Variants in USB1 observed in about 807,000 individuals in gnomAD.
The protein encoded by USB1 is U6 snRNA biogenesis phosphodiesterase 1, also known as U6 snRNA phosphodiesterase 1.
USB1 carries 21 observed loss-of-function variants against 29.9 expected under a neutral mutation model. That is an observed-to-expected ratio of 0.70 (90% confidence interval 0.50 to 1.01). The LOEUF (loss-of-function observed/expected upper bound fraction) is 1.01. USB1 is among the 50% of genes least tolerant of loss of function. The pLI, the probability that USB1 is intolerant of heterozygous loss-of-function variation, is 0.00. For missense variants in USB1, 330 were observed against 347.1 expected (o/e 0.95, Z 0.39); for synonymous variants, 143 against 134.9 (o/e 1.06, Z -0.42).
rs1963507190 is a variant in USB1 at position 58,011,975 on chromosome 16, T to G, written c.449+1863T>G. ...CACCCGGCTGATGGTTTTCTGACCC[T>G]GCCTTTATCAGCAGAGCCTTTTTTC... On this transcript the variant is annotated intron_variant, in intron 3 of 6. Transcript: ENST00000219281. 2.8e-6 allele frequency: 3 copies of G among 1,090,806 alleles called. 1 individual carries two copies. In the South Asian group the frequency reaches 1.2e-4, roughly 42 times the overall value. The allele number at this position is 1,090,806 out of a possible 1,614,324, so 67.6% of individuals were successfully genotyped here.
At chr16:58,012,478 A>AG (rs1963517897) in intron 3 of USB1, 2 of 1,170,466 alleles carry the variant, frequency 1.7e-6, no homozygotes, top group East Asian at 5.1e-5. Flanking sequence ...TCACCACCAC[A>AG]GGCAGACTGT....
At chr16:58,010,134 C>T in intron 3 of USB1, 22 bp downstream of exon 3, 1 of 1,613,746 alleles carries the variant, frequency 6.2e-7, no homozygotes, top group Non-Finnish European at 8.5e-7. Flanking sequence ...TTCCCTCTGC[C>T]TCTCCACTCC....
At chr16:58,000,126 T>C (rs535315620), upstream of USB1, among the ~76,000 whole-genome samples, 11 of 152,236 alleles carry the variant, frequency 7.2e-5, no homozygotes, top group South Asian at 1.4e-3. The surrounding 1 kb of genome is among the most constrained non-coding windows in gnomAD (Gnocchi z 4.5). Context: ...CAGGCCCAGC[T>C]GGGCTGCGTC....
In USB1 at chr16:58,014,286, G is replaced by A. The variant is rs1293316431; in HGVS notation, c.463G>A (p.Ala155Thr). The A allele has an allele frequency of 1.9e-6, 3 of 1,612,706 alleles. No homozygotes were observed. The highest frequency in any genetic ancestry group is 2.5e-6 in the Non-Finnish European group (3 of 1,179,434). The change falls in exon 4 of 7, where the codon GCC (alanine) becomes ACC (threonine). Residue 155 changes from alanine to threonine, a missense_variant. Physicochemically the swap from Ala to Thr is moderately conservative, Grantham distance 58 (BLOSUM62 0). Coordinates refer to ENST00000219281, the MANE Select transcript of USB1 (RefSeq NM_024598.4). ...TCTAAATTTCAGATTCTTCTTTACT[G>A]CCAACCAGGTAAAGATTTACACCAA... ...MTSFHRFFFT[A>T]NQVKIYTNQE...
Position 58,013,836 on chromosome 16 carries a change from G to C in USB1, c.450-437G>C, listed in dbSNP as rs1252743528. The stretch of plus-strand genomic sequence containing the variant: ...CGAGAAACAGAGTGTGCAAAGGCTT[G>C]AGCTCAGCCCTGACACACGAAGAAA... On this transcript the variant is annotated intron_variant, in intron 3 of 6. Coordinates refer to ENST00000219281, the MANE Select transcript of USB1 (RefSeq NM_024598.4). The surrounding 1 kb of genome is among the most constrained non-coding windows in gnomAD (Gnocchi z 4.3). 2 of 207,990 alleles carry C rather than the reference G, an allele frequency of 9.6e-6. No individual in the cohort carries two copies. The highest frequency in any genetic ancestry group is 1.9e-5 in the Non-Finnish European group (2 of 104,308). 12.9% of individuals were successfully genotyped at this position (207,990 alleles called of 1,614,324 possible).
intron 2 of USB1, among the ~76,000 whole-genome samples, chr16:58,005,844 A>G (rs1192681313): frequency 6.6e-6 from 1 of 152,182 alleles, no homozygotes; most frequent in Non-Finnish European, 1.5e-5. Context: ...TTTATACTTA[A>G]GTATTTCATT....
At chr16:58,002,450 G>A in intron 1 of USB1, 29 bp from the exon 2 acceptor site, 1 of 1,612,768 alleles carries the variant, frequency 6.2e-7, no homozygotes, top group Non-Finnish European at 8.5e-7. Context: ...CAGGATAAAT[G>A]TACTCATTTT....
rs16959640 is a variant in USB1 at position 58,019,070 on chromosome 16, C to T, written c.693+15C>T. 25,384 of 1,613,370 alleles carry T rather than the reference C, an allele frequency of 0.016. 3,440 individuals are homozygous for T. The African/African-American group carries it at 0.3, about 19-fold the overall frequency. On this transcript the variant is annotated intron_variant, in intron 6 of 6. Coordinates refer to ENST00000219281, the MANE Select transcript of USB1 (RefSeq NM_024598.4). ...AGGAACTACAGGTGAATTTCCAGGG[C>T]GGGAGCACAGAGGGCGCTGAACTCC...
At chr16:58,004,069 C>A (rs1018507324) in intron 2 of USB1, among the ~76,000 whole-genome samples, 1 of 152,200 alleles carries the variant, frequency 6.6e-6, no homozygotes, top group African/African-American at 2.4e-5. Flanking sequence ...TTTCAGGAAT[C>A]TTACAGTTTT....
At chr16:58,001,313 G>A (rs1597040276), upstream of USB1, 4 of 760,718 alleles carry the variant, frequency 5.3e-6, no homozygotes, top group East Asian at 8.1e-5. Context: ...GCTTGGAGTC[G>A]GTGGGCTGAA....
upstream of USB1, chr16:58,001,392 C>T: frequency 6.8e-7 from 1 of 1,466,912 alleles, no homozygotes; most frequent in Non-Finnish European, 9.3e-7. Flanking sequence ...GCCCAGGCCC[C>T]GCCCCTGGGA....
intron 6 of USB1, 84 bp downstream of exon 6, chr16:58,019,139 C>A: frequency 7.3e-7 from 1 of 1,379,078 alleles, no homozygotes. Flanking sequence ...GATGAGGCAC[C>A]CAAACCTGAA....
At chr16:58,008,995 T>G (rs1352162122) in intron 2 of USB1, among the ~76,000 whole-genome samples, 1 of 152,286 alleles carries the variant, frequency 6.6e-6, no homozygotes. Flanking sequence ...AATTTCATTG[T>G]GGCCTGAGAT....
intron 3 of USB1, chr16:58,012,958 G>A (rs1041686258): frequency 1.0e-6 from 1 of 985,842 alleles, no homozygotes; most frequent in Non-Finnish European, 1.2e-6. Flanking sequence ...TGGTTCCCTT[G>A]CTCACTGAGA....
At chr16:58,004,968 C>G (rs1457552361) in intron 2 of USB1, among the ~76,000 whole-genome samples, 1 of 152,170 alleles carries the variant, frequency 6.6e-6, no homozygotes, top group African/African-American at 2.4e-5. Context: ...TGTGAGCCAT[C>G]TCCAATGATT....
intron 2 of USB1, among the ~76,000 whole-genome samples, chr16:58,005,324 G>T (rs554990762): frequency 6.6e-6 from 1 of 152,064 alleles, no homozygotes; most frequent in South Asian, 2.1e-4. Flanking sequence ...TCCCTTTCCC[G>T]GTCTGCTAAG....
chr16:58,001,367 C>T, upstream of USB1: 1 of 1,242,242 alleles, frequency 8.0e-7, no homozygotes, highest in Non-Finnish European at 1.1e-6. Context: ...CCGGCTCCGC[C>T]CCGAGGCGGT....
chr16:58,002,332 T>C (rs1453419747), intron 1 of USB1, 147 bp from the exon 2 acceptor site: 7 of 1,277,424 alleles, frequency 5.5e-6, no homozygotes, highest in Non-Finnish European at 7.8e-6. Context: ...AGAAACAATT[T>C]CGCTATCTAG....
intron 3 of USB1, 128 bp from the exon 4 acceptor site, chr16:58,014,145 T>G (rs1049902389): frequency 6.3e-5 from 48 of 757,852 alleles, no homozygotes; most frequent in Non-Finnish European, 1.0e-4. Flanking sequence ...ACCTGCATAA[T>G]GGGGTGATAA....
Sources: allele counts gnomAD v4.1 joint callset (sites outside exome capture counted in the v4.1 genomes callset), GRCh38; gene constraint gnomAD v4.1.1; non-coding constraint Gnocchi (gnomAD v3.1); transcripts MANE v1.5; gene names NCBI Gene and HGNC (gene_info 2026-07-23, HGNC 2026-07-21).